Variants in CEP43 observed in about 807,000 individuals in gnomAD.
CEP43 encodes centrosomal protein 43, also known as FGFR1 oncogene partner.
A neutral mutation model predicts 52.6 loss-of-function variants in CEP43; 36 were observed. That is an observed-to-expected ratio of 0.68 (90% CI 0.52 to 0.90). The LOEUF (loss-of-function observed/expected upper bound fraction) is 0.90, where lower values mean the gene tolerates loss of function less well. Among genes scored for constraint, CEP43 ranks in the 40% least tolerant of loss-of-function variants. The pLI, the probability that CEP43 is intolerant of heterozygous loss-of-function variation, is 0.00. For missense variants in CEP43, 506 were observed against 472.8 expected (o/e 1.07, Z -0.65); for synonymous variants, 192 against 172.4 (o/e 1.11, Z -0.89).
At chr6:167,013,367 A>C in intron 6 of CEP43, 141 bp from the exon 7 acceptor site, 1 of 611,686 alleles carries the variant, frequency 1.6e-6, no homozygotes, top group Non-Finnish European at 2.8e-6. Context: ...GGACCAAAAA[A>C]AGCAGGCCTC....
intron 10 of CEP43, among the ~76,000 whole-genome samples, chr6:167,027,423 C>T (rs920811355): frequency 8.5e-5 from 13 of 152,090 alleles, no homozygotes; most frequent in Admixed American, 1.3e-4. Flanking sequence ...ATGGCCACTT[C>T]CTATGCTCTC....
In CEP43 at chr6:167,052,048, A is replaced by G. The variant is rs1209040634; in HGVS notation, c.*12070A>G. On this transcript the variant is annotated 3_prime_UTR_variant, in exon 13 of 13. Coordinates refer to ENST00000366847, the MANE Select transcript of CEP43 (RefSeq NM_007045.4). ...TTTGCATTAAGTATTTTCTAGTTTA[A>G]CAACTTAATTTCTTAAATTATTTTT... 6.6e-6 allele frequency: 1 copy of G among 152,056 alleles called. No individual in the cohort carries two copies. Among genetic ancestry groups the G allele is most frequent in the African/African-American group, 2.4e-5 (1 of 41,434 alleles). The allele number at this position is 152,056 out of a possible 1,614,324, so 9.4% of individuals were successfully genotyped here. A position where few individuals can be genotyped will look rare whatever the true frequency, so the allele number is the denominator to read the frequency against.
chr6:167,013,395 G>T, intron 6 of CEP43, 113 bp from the exon 7 acceptor site: 2 of 784,016 alleles, frequency 2.6e-6, no homozygotes, highest in Non-Finnish European at 4.2e-6. Context: ...ATATTAACTA[G>T]ATGTTCCACT....
chr6:167,046,587 G>C lies in CEP43; in HGVS notation c.*6609G>C, dbSNP rs1383188343. On this transcript the variant is annotated 3_prime_UTR_variant, in exon 13 of 13. Coordinates refer to ENST00000366847, the MANE Select transcript of CEP43 (RefSeq NM_007045.4). ...CGTACATTTCAACAAGCAGTTGGCT[G>C]ATTTCTTCTGTCCACTCCACCTGCA... 1 of 152,252 alleles carries C rather than the reference G, an allele frequency of 6.6e-6. No homozygotes were observed. Among genetic ancestry groups the C allele is most frequent in the Non-Finnish European group, 1.5e-5 (1 of 68,050 alleles). 9.4% of individuals were successfully genotyped at this position (152,252 alleles called of 1,614,324 possible).
At chr6:167,008,906 G>A (rs1455846275) in intron 5 of CEP43, among the ~76,000 whole-genome samples, 1 of 152,124 alleles carries the variant, frequency 6.6e-6, no homozygotes, top group East Asian at 1.9e-4. Flanking sequence ...AGAAAGAAGT[G>A]AAACACATAA....
Position 167,018,818 on chromosome 6 carries a change from G to A in CEP43, c.580-3591G>A, listed in dbSNP as rs1051545168. Among the ~76,000 whole-genome samples the A allele has an allele frequency of 4.7e-4, 71 of 152,236 alleles. 1 individual carries two copies. The highest frequency in any genetic ancestry group is 3.4e-3 in the Middle Eastern group (1 of 294). On this transcript the variant is annotated intron_variant, in intron 7 of 12. Coordinates refer to ENST00000366847, the MANE Select transcript of CEP43 (RefSeq NM_007045.4). ...ACCCAAGTAACTGAAGTTTATGTAC[G>A]TAACATAAGTTCGTCTTAACTCATG...
chr6:167,022,387 T>C (rs377376334), intron 7 of CEP43, 22 bp from the exon 8 acceptor site: 2 of 1,560,480 alleles, frequency 1.3e-6, no homozygotes, highest in East Asian at 2.2e-5. Flanking sequence ...AGGAGGCCTT[T>C]TCTCTTTCCC....
chr6:167,052,103 A>G lies in CEP43; in HGVS notation c.*12125A>G, dbSNP rs1397608388. ...ATATTTTTACGTATTTCCTTAATGAATGCTTGATGGCTCACAATCTCCTTC... is the reference window on the plus strand; with the variant it reads ...ATATTTTTACGTATTTCCTTAATGAGTGCTTGATGGCTCACAATCTCCTTC... On this transcript the variant is annotated 3_prime_UTR_variant, in exon 13 of 13. Transcript: ENST00000366847. 6.6e-6 allele frequency: 1 copy of G among 152,118 alleles called. No homozygotes were observed. The highest frequency in any genetic ancestry group is 1.5e-5 in the Non-Finnish European group (1 of 68,026). The allele number at this position is 152,118 out of a possible 1,614,324, so 9.4% of individuals were successfully genotyped here.
At chr6:167,004,078 G>A in intron 4 of CEP43, 186 bp from the exon 5 acceptor site, 1 of 635,352 alleles carries the variant, frequency 1.6e-6, no homozygotes, top group Non-Finnish European at 2.6e-6. Context: ...CCTGTTAATG[G>A]AAACGTTGAA....
chr6:167,032,100 C>G (rs1219615894), intron 10 of CEP43, among the ~76,000 whole-genome samples: 8 of 152,230 alleles, frequency 5.3e-5, no homozygotes, highest in Admixed American at 5.2e-4. Context: ...CTCACATTCC[C>G]AGGTCACAGA....
At position 167,026,616 on chromosome 6, in the gene CEP43, G is replaced by A; in HGVS notation, c.988+1G>A. On this transcript the variant is annotated splice_donor_variant, in intron 10 of 12. Transcript: ENST00000366847. LOFTEE classifies it high-confidence loss of function. ...GATAAAATTGGATCACTTGGATTAG[G>A]TAATTAGATTTCTAGTTTTTGTGCT... The A allele has an allele frequency of 6.4e-7, 1 of 1,557,556 alleles. No individual in the cohort carries two copies. Among genetic ancestry groups the A allele is most frequent in the Non-Finnish European group, 8.9e-7 (1 of 1,128,696 alleles).
At chr6:167,001,165 A>T (rs1250919587) in intron 2 of CEP43, among the ~76,000 whole-genome samples, 2 of 152,094 alleles carry the variant, frequency 1.3e-5, no homozygotes, top group African/African-American at 2.4e-5. Context: ...TCTATTGCTC[A>T]CCTGTGAAAA....
chr6:167,036,257 G>A, intron 12 of CEP43: 1 of 985,434 alleles, frequency 1.0e-6, no homozygotes, highest in African/African-American at 1.7e-5. Context: ...GAGGAACATG[G>A]TAAGCTCCAT....
At position 167,033,368 on chromosome 6, in the gene CEP43, C is replaced by G. The variant is rs557386484; in HGVS notation, c.1029-507C>G. ...TCGTGATCCACCCACCTGGGCCTCC[C>G]AAAGTGCTGGGATTACAGACGAGAA... On this transcript the variant is annotated intron_variant, in intron 11 of 12. Transcript: ENST00000366847. Among the ~76,000 whole-genome samples the G allele has an allele frequency of 2.6e-5, 4 of 152,192 alleles. No individual in the cohort carries two copies. The South Asian group carries it at 8.3e-4, about 32-fold the overall frequency.
At position 167,015,324 on chromosome 6, in the gene CEP43, G is replaced by A. The variant is rs552244363; in HGVS notation, c.579+1757G>A. Reference sequence around the variant, plus strand: ...GTGAGAAGTCTGTATTGTACCCCATGTGGCCTATTGCCAGCCTTACTTATA... The same window carrying A: ...GTGAGAAGTCTGTATTGTACCCCATATGGCCTATTGCCAGCCTTACTTATA... On this transcript the variant is annotated intron_variant, in intron 7 of 12. Coordinates refer to ENST00000366847, the MANE Select transcript of CEP43 (RefSeq NM_007045.4). 2.1e-4 allele frequency among the ~76,000 whole-genome samples: 32 copies of A among 152,338 alleles called. 1 individual carries two copies. The highest frequency in any genetic ancestry group is 3.4e-3 in the Middle Eastern group (1 of 294).
At position 167,048,414 on chromosome 6, in the gene CEP43, C is replaced by T. The variant is rs1379369485; in HGVS notation, c.*8436C>T. On this transcript the variant is annotated 3_prime_UTR_variant, in exon 13 of 13. Coordinates refer to ENST00000366847, the MANE Select transcript of CEP43 (RefSeq NM_007045.4). ...GCATGATGGCACATGCCTGTGGTCCCAGCTACTCGGGAGGCTGAGGCAGGA... is the reference window on the plus strand; with the variant it reads ...GCATGATGGCACATGCCTGTGGTCCTAGCTACTCGGGAGGCTGAGGCAGGA... The T allele has an allele frequency of 6.6e-6, 1 of 152,144 alleles. No individual in the cohort carries two copies. The highest frequency in any genetic ancestry group is 1.9e-4 in the East Asian group (1 of 5,196). The allele number at this position is 152,144 out of a possible 1,614,324, so 9.4% of individuals were successfully genotyped here.
At chr6:167,021,473 C>T (rs966506003) in intron 7 of CEP43, among the ~76,000 whole-genome samples, 1 of 152,108 alleles carries the variant, frequency 6.6e-6, no homozygotes, top group Admixed American at 6.5e-5. Flanking sequence ...TGAATGTTCT[C>T]CATAAATGTC....
At chr6:167,018,611 G>A (rs566339781) in intron 7 of CEP43, among the ~76,000 whole-genome samples, 20 of 152,124 alleles carry the variant, frequency 1.3e-4, no homozygotes, top group South Asian at 2.1e-4. Flanking sequence ...GGATGGTTTC[G>A]GATCTCCTGA....
intron 5 of CEP43, among the ~76,000 whole-genome samples, chr6:167,009,189 C>T (rs146965028): frequency 0.021 from 3,126 of 151,672 alleles, 53 homozygotes; most frequent in East Asian, 0.1. Flanking sequence ...GTCAGGAGTA[C>T]GAGACCAGCC....
Sources: allele counts gnomAD v4.1 joint callset (sites outside exome capture counted in the v4.1 genomes callset), GRCh38; gene constraint gnomAD v4.1.1; transcripts MANE v1.5; gene names NCBI Gene and HGNC (gene_info 2026-07-23, HGNC 2026-07-21).